ABCC8: variants seen among roughly 807,000 people sequenced by gnomAD.
ABCC8 encodes the protein ATP binding cassette subfamily C member 8, also known as ATP-binding cassette sub-family C member 8.
ABCC8 carries 137 observed loss-of-function variants against 188.0 expected under a neutral mutation model. That is an observed-to-expected ratio of 0.73 (90% CI 0.63 to 0.84). ABCC8 has a LOEUF of 0.84. Ranked by LOEUF, ABCC8 falls within the 40% of genes least tolerant of loss-of-function variation. The probability of loss-of-function intolerance (pLI) is 0.00; values close to 1 mark genes in which losing one functional copy is unlikely to be tolerated. For synonymous variants in ABCC8, 797 were observed against 846.5 expected (o/e 0.94, Z 1.01); for missense variants, 1,750 against 2,072.7 (o/e 0.84, Z 3.02).
chr11:17,405,412 G>A, intron 27 of ABCC8, 82 bp downstream of exon 27: 6 of 1,598,364 alleles, frequency 3.8e-6, no homozygotes, highest in East Asian at 2.2e-5. Context: ...CTGATCTGGG[G>A]AACCCAGCCT....
Position 17,396,898 on chromosome 11 carries a change from T to C in ABCC8, c.4119+18A>G, listed in dbSNP as rs75967811. The stretch of plus-strand genomic sequence containing the variant: ...CTCACGCCTGTCCTGCAGCATTGGG[T>C]TGGGCCCGTGCTCTGACCTTCTGTC... On this transcript the variant is annotated intron_variant, in intron 33 of 38. Coordinates refer to ENST00000389817, the MANE Select transcript of ABCC8 (RefSeq NM_000352.6). 1.7e-3 allele frequency: 2,810 copies of C among 1,613,294 alleles called. 48 individuals carry two copies. The African/African-American group carries it at 0.034, about 19-fold the overall frequency.
intron 2 of ABCC8, among the ~76,000 whole-genome samples, chr11:17,472,116 C>T (rs563289064): frequency 1.3e-5 from 2 of 151,868 alleles, no homozygotes; most frequent in African/African-American, 4.8e-5. Flanking sequence ...CTTTTTTTTG[C>T]AATAGGAGGT....
chr11:17,393,272 T>G lies in ABCC8; in HGVS notation c.4609-144A>C. 10 of 1,153,964 alleles carry G rather than the reference T, an allele frequency of 8.7e-6. 1 individual carries two copies. The South Asian group carries it at 1.4e-4, about 17-fold the overall frequency. The allele number at this position is 1,153,964 out of a possible 1,614,324, so 71.5% of individuals were successfully genotyped here. A position where few individuals can be genotyped will look rare whatever the true frequency, so the allele number is the denominator to read the frequency against. On this transcript the variant is annotated intron_variant, in intron 38 of 38. Coordinates refer to ENST00000389817, the MANE Select transcript of ABCC8 (RefSeq NM_000352.6). Reference sequence around the variant, plus strand: ...GTCCTGTCACTGTGGGGACTGCACTTTCCTGGGGTGGATGTGACTACAAGC... The same window carrying G: ...GTCCTGTCACTGTGGGGACTGCACTGTCCTGGGGTGGATGTGACTACAAGC...
At chr11:17,460,313 A>G (rs1957138272) in intron 6 of ABCC8, among the ~76,000 whole-genome samples, 175 bp downstream of exon 6, 1 of 152,200 alleles carries the variant, frequency 6.6e-6, no homozygotes, top group Non-Finnish European at 1.5e-5. Context: ...GCCCTCTGGC[A>G]TTTCTGTTGA....
chr11:17,448,524 G>C lies in ABCC8; in HGVS notation c.1324C>G (p.Pro442Ala), dbSNP rs1293893868. 1 of 1,613,872 alleles carries C rather than the reference G, an allele frequency of 6.2e-7. No individual in the cohort carries two copies. The highest frequency in any genetic ancestry group is 2.2e-5 in the East Asian group (1 of 44,880). The change falls in exon 8 of 39, where the codon CCA becomes GCA. Residue 442 changes from proline to alanine, a missense_variant. Transcript: ENST00000389817. ...CTCAGCCCATCTAGTACCTGTACTG[G>C]CATAGCCCAGAGGTTTGGGCACAAG... The part of the protein sequence containing the change: ...FFLCPNLWAM[P>A]VQIIVGVILL...
At chr11:17,459,237 T>C (rs1957099448) in intron 6 of ABCC8, among the ~76,000 whole-genome samples, 1 of 152,228 alleles carries the variant, frequency 6.6e-6, no homozygotes, top group Admixed American at 6.5e-5. Flanking sequence ...CGCCAAAGGA[T>C]AGTTTTAGGG....
Position 17,460,599 on chromosome 11 carries a change from G to C in ABCC8, c.900C>G (p.Val300=). 6.2e-7 allele frequency: 1 copy of C among 1,613,462 alleles called. No homozygotes were observed. The highest frequency in any genetic ancestry group is 2.2e-5 in the East Asian group (1 of 44,886). The change falls in exon 6 of 39, where the codon GTC becomes GTG. Residue 300 remains valine (V), a synonymous_variant. Coordinates refer to ENST00000389817, the MANE Select transcript of ABCC8 (RefSeq NM_000352.6). The stretch of plus-strand genomic sequence containing the variant: ...CCAAGATGCGGAAAGTGCTGCTGAG[G>C]ACCAGGCGCCTCCCGAAGGCATGGC... ...ALSHAFGRRL[V]LSSTFRILAD...
intron 38 of ABCC8, 149 bp from the exon 39 acceptor site, chr11:17,393,277 G>A: frequency 9.0e-7 from 1 of 1,113,754 alleles, no homozygotes; most frequent in Non-Finnish European, 1.3e-6. Flanking sequence ...GCACTTTCCT[G>A]GGGTGGATGT....
At chr11:17,422,181 G>A (rs1955376349) in intron 16 of ABCC8, among the ~76,000 whole-genome samples, 1 of 152,210 alleles carries the variant, frequency 6.6e-6, no homozygotes, top group African/African-American at 2.4e-5. Flanking sequence ...CAATGCCCAG[G>A]ATAGGTGGGC....
chr11:17,415,641 T>C (rs973625361), intron 17 of ABCC8, among the ~76,000 whole-genome samples: 2 of 152,156 alleles, frequency 1.3e-5, no homozygotes, highest in Non-Finnish European at 2.9e-5. Context: ...ATCAGGAGTA[T>C]GAAGCCCGCA....
chr11:17,458,203 A>G (rs926339795), intron 6 of ABCC8, among the ~76,000 whole-genome samples: 1 of 152,168 alleles, frequency 6.6e-6, no homozygotes, highest in Non-Finnish European at 1.5e-5. Context: ...TTTGGGCTGC[A>G]GGGAAAAAAT....
chr11:17,410,680 A>G, intron 21 of ABCC8, 27 bp from the exon 22 acceptor site: 1 of 1,613,930 alleles, frequency 6.2e-7, no homozygotes, highest in Non-Finnish European at 8.5e-7. Flanking sequence ...GGAAGAGAGT[A>G]GAGGGTAGGG....
At chr11:17,412,799 GT>G in intron 20 of ABCC8, 53 bp from the exon 21 acceptor site, 2 of 1,568,708 alleles carry the variant, frequency 1.3e-6, no homozygotes, top group Non-Finnish European at 1.7e-6. Flanking sequence ...AGGAGACACT[GT>G]CCTGTACCCT....
At chr11:17,464,661 G>C (rs1475407828) in intron 3 of ABCC8, among the ~76,000 whole-genome samples, 2 of 152,194 alleles carry the variant, frequency 1.3e-5, no homozygotes, top group Non-Finnish European at 2.9e-5. Context: ...GTAAACCTCA[G>C]AAGCTATCAG....
intron 10 of ABCC8, among the ~76,000 whole-genome samples, chr11:17,441,605 C>G (rs1232456611): frequency 6.6e-6 from 1 of 152,030 alleles, no homozygotes; most frequent in Non-Finnish European, 1.5e-5. Context: ...TGCTAAATAT[C>G]TACATCCCAA....
At chr11:17,425,846 C>T (rs539896695) in intron 16 of ABCC8, among the ~76,000 whole-genome samples, 1 of 152,014 alleles carries the variant, frequency 6.6e-6, no homozygotes, top group South Asian at 2.1e-4. Flanking sequence ...GCCCCCCACC[C>T]CCAGACAGGC....
intron 10 of ABCC8, among the ~76,000 whole-genome samples, chr11:17,438,853 T>C (rs574547089): frequency 6.6e-6 from 1 of 152,350 alleles, no homozygotes; most frequent in African/African-American, 2.4e-5. Flanking sequence ...GACATTTCAA[T>C]TCACTGAGAG....
chr11:17,434,814 T>A (rs1175024255), intron 10 of ABCC8, among the ~76,000 whole-genome samples: 1 of 152,128 alleles, frequency 6.6e-6, no homozygotes, highest in Non-Finnish European at 1.5e-5. Flanking sequence ...ATGCTTCTGA[T>A]ATAATTAGCT....
chr11:17,410,730 C>A (rs1336158523), intron 21 of ABCC8, 77 bp from the exon 22 acceptor site: 2 of 1,592,408 alleles, frequency 1.3e-6, no homozygotes, highest in African/African-American at 2.7e-5. Flanking sequence ...GTATAAAACC[C>A]ATTAGAGTTC....
Sources: gnomAD v4.1 joint callset for allele counts (sites outside exome capture counted in the v4.1 genomes callset) on GRCh38, gnomAD v4.1.1 for gene constraint, MANE v1.5 for transcripts, NCBI Gene and HGNC (gene_info 2026-07-23, HGNC 2026-07-21) for gene names.